ZNF667: variants seen among roughly 807,000 people sequenced by gnomAD.
ZNF667 encodes the protein myocardial ischemic preconditioning upregulated 1 ortholog.
ZNF667 carries 13 observed loss-of-function variants against 31.8 expected under a neutral mutation model. That is an observed-to-expected ratio of 0.41 (90% confidence interval 0.27 to 0.65). ZNF667 has a LOEUF of 0.65. Ranked by LOEUF, ZNF667 falls within the 30% of genes least tolerant of loss-of-function variation. The probability of loss-of-function intolerance (pLI) is 0.32; values close to 1 mark genes in which losing one functional copy is unlikely to be tolerated. For synonymous variants in ZNF667, 228 were observed against 247.1 expected, an observed-to-expected ratio of 0.92 and a Z score of 0.73; for missense variants, 642 against 725.6, an observed-to-expected ratio of 0.88 and a Z score of 1.32.
intron 6 of ZNF667, among the ~76,000 whole-genome samples, chr19:56,450,108 T>C (rs2042790072): frequency 6.6e-6 from 1 of 151,614 alleles, no homozygotes; most frequent in South Asian, 2.1e-4. Flanking sequence ...ATGTCAAAAT[T>C]CAAGTACAAG....
At chr19:56,454,944 C>T (rs1210894944) in intron 6 of ZNF667, among the ~76,000 whole-genome samples, 1 of 151,816 alleles carries the variant, frequency 6.6e-6, no homozygotes, top group Non-Finnish European at 1.5e-5. Flanking sequence ...GGATTGATAA[C>T]CATAGAATAC....
intron 6 of ZNF667, among the ~76,000 whole-genome samples, chr19:56,453,560 A>G (rs2042876641): frequency 6.6e-6 from 1 of 152,248 alleles, no homozygotes; most frequent in African/African-American, 2.4e-5. Context: ...AATGATATAT[A>G]TAAACAGAAT....
rs146859372 is a variant in ZNF667, at chr19:56,447,766, G to A, written c.254-5025C>T. The stretch of plus-strand genomic sequence containing the variant: ...TATGGTGATGTGTGCCTGTAATCCC[G>A]GCTACTCAGGAGGCTGGGGCAGGAG... On this transcript the variant is annotated intron_variant, in intron 6 of 6. Transcript: ENST00000504904. Among the ~76,000 whole-genome samples, 15 of 151,872 alleles carry A rather than the reference G, an allele frequency of 9.9e-5. No individual in the cohort carries two copies. In the East Asian group the frequency reaches 2.3e-3, roughly 24 times the overall value.
At chr19:56,473,386 G>A (rs977305174) in intron 2 of ZNF667, among the ~76,000 whole-genome samples, 2 of 152,164 alleles carry the variant, frequency 1.3e-5, no homozygotes, top group Non-Finnish European at 2.9e-5. Flanking sequence ...CCAGGAAGCA[G>A]GGCCAATGCT....
At chr19:56,462,187 T>G in intron 4 of ZNF667, 151 bp downstream of exon 4, 3 of 971,952 alleles carry the variant, frequency 3.1e-6, no homozygotes, top group Non-Finnish European at 4.8e-6. Context: ...CCTTCTCAGG[T>G]TCTCATCCCT....
chr19:56,464,606 T>C (rs1413768933), intron 3 of ZNF667, among the ~76,000 whole-genome samples: 1 of 152,252 alleles, frequency 6.6e-6, no homozygotes, highest in Non-Finnish European at 1.5e-5. Context: ...ATTATGTTTC[T>C]GTGGGGCAGT....
At position 56,441,724 on chromosome 19, in the gene ZNF667, A is replaced by G; in HGVS notation, c.1271T>C (p.Phe424Ser). The G allele has an allele frequency of 6.2e-7, 1 of 1,614,156 alleles. No homozygotes were observed. The highest frequency in any genetic ancestry group is 2.2e-5 in the East Asian group (1 of 44,882). The change falls in exon 7 of 7, where the codon TTT becomes TCT. Residue 424 changes from phenylalanine (F) to serine (S), a missense_variant. Coordinates refer to ENST00000504904, the MANE Select transcript of ZNF667 (RefSeq NM_001321356.2). This position sits in a 1 kb window ranked among gnomAD's most constrained non-coding sequence, Gnocchi z 4.2. ...TATTTTAAGGTTTGCAGTTCCAGAAAACATCTTCCCACATTCCTTACACTC... is the reference window on the plus strand; with the variant it reads ...TATTTTAAGGTTTGCAGTTCCAGAAGACATCTTCCCACATTCCTTACACTC... ...LFECKECGKM[F>S]SGTANLKIHQ...
At chr19:56,464,285 AGAGTTT>A (rs2043112236) in intron 3 of ZNF667, among the ~76,000 whole-genome samples, 1 of 152,230 alleles carries the variant, frequency 6.6e-6, no homozygotes. Context: ...CCTGAGCCTA[AGAGTTT>A]GAGAGCAACC....
chr19:56,447,749 T>C (rs557003664), intron 6 of ZNF667, among the ~76,000 whole-genome samples: 187 of 152,018 alleles, frequency 1.2e-3, no homozygotes, highest in African/African-American at 3.6e-3. Flanking sequence ...GGTATGGTGA[T>C]GTGTGCCTGT....
intron 1 of ZNF667, among the ~76,000 whole-genome samples, chr19:56,476,150 C>G (rs1225936352): frequency 6.6e-6 from 1 of 152,166 alleles, no homozygotes. Flanking sequence ...CTCTCTCAGT[C>G]ACACAGCCAG....
Position 56,460,788 on chromosome 19 carries a change from T to C in ZNF667, c.61A>G (p.Ile21Val), listed in dbSNP as rs773344413. 46 of 1,609,216 alleles carry C rather than the reference T, an allele frequency of 2.9e-5. No individual in the cohort carries two copies. Among genetic ancestry groups the C allele is most frequent in the Non-Finnish European group, 3.6e-5 (42 of 1,178,348 alleles). Reference sequence around the variant, plus strand: ...TCCCACTCCTCCTGGGAGAAGTAGATGGCTAAGTCCCCAAATGTTATAGGT... The same window carrying C: ...TCCCACTCCTCCTGGGAGAAGTAGACGGCTAAGTCCCCAAATGTTATAGGT... Reference protein sequence around the residue: ...KAPITFGDLAIYFSQEEWEWL... With the variant: ...KAPITFGDLAVYFSQEEWEWL... The change falls in exon 5 of 7, where the codon ATC (isoleucine) becomes GTC (valine). Residue 21 changes from isoleucine to valine, a missense_variant. By Grantham distance (29) the Ile-to-Val change is conservative (BLOSUM62 3). Transcript: ENST00000504904.
chr19:56,477,625 C>CT (rs2043445311), upstream of ZNF667: 1 of 152,494 alleles, frequency 6.6e-6, no homozygotes, highest in East Asian at 1.9e-4. Context: ...CCTGGCCCTG[C>CT]TTTTCATCCT....
At chr19:56,460,879 G>A (rs2043031749) in intron 4 of ZNF667, 64 bp from the exon 5 acceptor site, 2 of 1,473,312 alleles carry the variant, frequency 1.4e-6, no homozygotes, top group Non-Finnish European at 1.8e-6. Flanking sequence ...TGGAGGAAAT[G>A]GTGCACACAT....
At chr19:56,457,033 G>A (rs954095736) in intron 6 of ZNF667, among the ~76,000 whole-genome samples, 16 of 152,148 alleles carry the variant, frequency 1.1e-4, no homozygotes, top group African/African-American at 2.9e-4. Context: ...AGGTGGTGCC[G>A]TTTTCTCCCA....
Position 56,441,159 on chromosome 19 carries a change from A to G in ZNF667, c.*3T>C. The G allele has an allele frequency of 6.3e-7, 1 of 1,598,468 alleles. No individual in the cohort carries two copies. The highest frequency in any genetic ancestry group is 8.5e-7 in the Non-Finnish European group (1 of 1,170,750). ...TCGTTGATTTTATAGATTTAAAACA[A>G]CCTTAGGCTTTTTCTTCAGAATGTG... On this transcript the variant is annotated 3_prime_UTR_variant, in exon 7 of 7. Transcript: ENST00000504904. This position sits in a 1 kb window ranked among gnomAD's most constrained non-coding sequence, Gnocchi z 4.2.
At position 56,442,701 on chromosome 19, in the gene ZNF667, A is replaced by C; in HGVS notation, c.294T>G (p.Asn98Lys). Residue 98 changes from asparagine to lysine, a missense_variant, in exon 7 of 7, where the codon AAT becomes AAG. Asn to Lys is a moderately conservative substitution (Grantham distance 94). Coordinates refer to ENST00000504904, the MANE Select transcript of ZNF667 (RefSeq NM_001321356.2). ...TGCTTTGCCCAGATTTGTTGCATTG[A>C]TTTGGAGGTAACTTCTTGGTCTCAC... is the stretch of plus-strand genomic sequence containing the variant. ...SKCETKKLPPNQCNKSGQSIC... is the reference protein window; with the variant it reads ...SKCETKKLPPKQCNKSGQSIC... 2 of 1,604,562 alleles carry C rather than the reference A, an allele frequency of 1.2e-6. No individual in the cohort carries two copies. Among genetic ancestry groups the C allele is most frequent in the South Asian group, 1.1e-5 (1 of 89,920 alleles).
At chr19:56,447,393 G>A (rs2042729106) in intron 6 of ZNF667, among the ~76,000 whole-genome samples, 1 of 152,148 alleles carries the variant, frequency 6.6e-6, no homozygotes, top group Admixed American at 6.5e-5. Flanking sequence ...AAATCTACAA[G>A]AAAGATTTAT....
At chr19:56,464,924 T>C (rs950501600) in intron 3 of ZNF667, among the ~76,000 whole-genome samples, 2 of 152,184 alleles carry the variant, frequency 1.3e-5, no homozygotes, top group African/African-American at 4.8e-5. Context: ...GCCCTCCACA[T>C]TTGTCTTTGG....
chr19:56,477,278 C>A lies in ZNF667; in HGVS notation c.-668G>T, dbSNP rs1228551132. 1.3e-5 allele frequency: 2 copies of A among 152,102 alleles called. No individual in the cohort carries two copies. The highest frequency in any genetic ancestry group is 2.9e-5 in the Non-Finnish European group (2 of 67,998). The allele number at this position is 152,102 out of a possible 1,614,324, so 9.4% of individuals were successfully genotyped here. ...CTCTCGCCAGCCCCCTTACCTCGGT[C>A]TTCCCGGGCTCAGACCCCGGCGGCG... On this transcript the variant is annotated 5_prime_UTR_variant, in exon 1 of 7. Transcript: ENST00000504904.
Sources: gnomAD v4.1 joint callset for allele counts (sites outside exome capture counted in the v4.1 genomes callset) on GRCh38, gnomAD v4.1.1 for gene constraint, Gnocchi (gnomAD v3.1) non-coding constraint, MANE v1.5 for transcripts, NCBI Gene and HGNC (gene_info 2026-07-23, HGNC 2026-07-21) for gene names.